LANCL1: variants seen among roughly 807,000 people sequenced by gnomAD.
The protein encoded by LANCL1 is LanC like glutathione S-transferase 1.
LANCL1 carries 50 observed loss-of-function variants against 50.6 expected under a neutral mutation model. That is an observed-to-expected ratio of 0.99 (90% CI 0.79 to 1.25). LANCL1 has a LOEUF of 1.25. Ranked by LOEUF, LANCL1 falls within the 50% of genes most tolerant of loss-of-function variation. LANCL1 has a pLI of 0.00. For synonymous variants in LANCL1, 188 were observed against 178.6 expected (o/e 1.05, Z -0.42); for missense variants, 532 against 480.7 (o/e 1.11, Z -1.00).
chr2:210,445,320 C>A (rs1327247182), intron 4 of LANCL1, among the ~76,000 whole-genome samples: 1 of 152,106 alleles, frequency 6.6e-6, no homozygotes, highest in Non-Finnish European at 1.5e-5. Flanking sequence ...CACTAGGTGG[C>A]AATATATAAT....
intron 6 of LANCL1, among the ~76,000 whole-genome samples, chr2:210,438,645 A>G (rs1693022147): frequency 6.6e-6 from 1 of 152,204 alleles, no homozygotes; most frequent in Non-Finnish European, 1.5e-5. Flanking sequence ...TATTTTCAAT[A>G]GAAAAAGGAT....
Position 210,441,178 on chromosome 2 carries a change from AC to A in LANCL1, c.543+129del, listed in dbSNP as rs1459528539. 5.4e-6 allele frequency: 5 copies of A among 928,396 alleles called. No individual in the cohort carries two copies. The African/African-American group carries it at 6.6e-5, about 12-fold the overall frequency. The allele number at this position is 928,396 out of a possible 1,614,324, so 57.5% of individuals were successfully genotyped here. A position where few individuals can be genotyped will look rare whatever the true frequency, so the allele number is the denominator to read the frequency against. ...GCTATTGGTTCTTGGACTGTGCCCA[AC>A]CTTTAGAGGTCCAGATACACCTTCC... On this transcript the variant is annotated intron_variant, in intron 5 of 9. Coordinates refer to ENST00000450366, the MANE Select transcript of LANCL1 (RefSeq NM_006055.3).
intron 6 of LANCL1, among the ~76,000 whole-genome samples, 185 bp downstream of exon 6, chr2:210,440,413 T>C (rs1693090263): frequency 6.6e-6 from 1 of 152,236 alleles, no homozygotes; most frequent in Admixed American, 6.5e-5. Flanking sequence ...TTAATGTTTA[T>C]ACACTTTTAA....
Position 210,476,703 on chromosome 2 carries a change from C to G in LANCL1, c.-100G>C. ...GCGCCTCCCGCGTCCTGAAGCCCTT[C>G]TCGGCCCTGGCCTCTCACCCCGCAG... On this transcript the variant is annotated 5_prime_UTR_variant, in exon 1 of 10. Coordinates refer to ENST00000450366, the MANE Select transcript of LANCL1 (RefSeq NM_006055.3). 1.7e-6 allele frequency: 2 copies of G among 1,178,164 alleles called. No homozygotes were observed. Among genetic ancestry groups the G allele is most frequent in the African/African-American group, 1.6e-5 (1 of 63,452 alleles). 73.0% of individuals were successfully genotyped at this position (1,178,164 alleles called of 1,614,324 possible). A position where few individuals can be genotyped will look rare whatever the true frequency, so the allele number is the denominator to read the frequency against.
intron 4 of LANCL1, among the ~76,000 whole-genome samples, chr2:210,441,816 G>T (rs372619514): frequency 7.9e-5 from 12 of 152,078 alleles, no homozygotes; most frequent in African/African-American, 2.9e-4. Context: ...ACACTCAAAT[G>T]GCCCATCATC....
intron 8 of LANCL1, among the ~76,000 whole-genome samples, chr2:210,435,702 T>C (rs1692904526): frequency 6.6e-6 from 1 of 152,090 alleles, no homozygotes; most frequent in Non-Finnish European, 1.5e-5. Context: ...TCACCCTACA[T>C]CTTTATTTTT....
intron 3 of LANCL1, chr2:210,468,557 T>A (rs1045035925): frequency 6.6e-6 from 1 of 152,254 alleles, no homozygotes; most frequent in Non-Finnish European, 1.5e-5. Flanking sequence ...CAAGAGTGAC[T>A]ACGTGACTAT....
chr2:210,466,172 T>C (rs1694052593), intron 3 of LANCL1, among the ~76,000 whole-genome samples: 1 of 152,144 alleles, frequency 6.6e-6, no homozygotes, highest in Admixed American at 6.5e-5. Context: ...GTTTTTTCAA[T>C]AGTGCACAAT....
intron 7 of LANCL1, among the ~76,000 whole-genome samples, chr2:210,436,935 A>T (rs909038552): frequency 6.6e-6 from 1 of 152,216 alleles, no homozygotes; most frequent in Non-Finnish European, 1.5e-5. Flanking sequence ...AAAGTAGGAT[A>T]AGGCAGTTTA....
chr2:210,437,852 T>C lies in LANCL1; in HGVS notation c.711A>G (p.Gln237=), dbSNP rs977347629. The change falls in exon 7 of 10, where the codon CAA becomes CAG. Residue 237 remains glutamine (Q), a synonymous_variant. Transcript: ENST00000450366. ...YLMQPSLQVS[Q]GKLHSLVKPS... is the part of the protein sequence containing the mutation. ...GCTTGACCAAACTATGTAACTTCCC[T>C]TGGCTCACTTGAAGGCTGGGCTAAA... 3.1e-6 allele frequency: 5 copies of C among 1,597,306 alleles called. No individual in the cohort carries two copies. Among genetic ancestry groups the C allele is most frequent in the African/African-American group, 1.3e-5 (1 of 74,268 alleles).
intron 9 of LANCL1, among the ~76,000 whole-genome samples, chr2:210,435,118 T>C (rs1354632996): frequency 6.6e-6 from 1 of 152,136 alleles, no homozygotes; most frequent in Non-Finnish European, 1.5e-5. Flanking sequence ...AGTGCCTGTA[T>C]GTTTTTGCTG....
upstream of LANCL1, chr2:210,476,918 G>A: frequency 8.2e-6 from 5 of 608,214 alleles, no homozygotes; most frequent in Non-Finnish European, 1.0e-5. Flanking sequence ...CTAGAATCAC[G>A]CGGAGATGTG....
At chr2:210,449,601 ACCCCTTC>A (rs2105901944) in intron 4 of LANCL1, among the ~76,000 whole-genome samples, 1 of 152,116 alleles carries the variant, frequency 6.6e-6, no homozygotes, top group South Asian at 2.1e-4. Flanking sequence ...TATTTAGAAA[ACCCCTTC>A]ATCTCAGCCC....
chr2:210,455,532 T>A (rs1693647385), intron 3 of LANCL1, among the ~76,000 whole-genome samples: 1 of 152,082 alleles, frequency 6.6e-6, no homozygotes, highest in Non-Finnish European at 1.5e-5. Flanking sequence ...GTTTCCTCAT[T>A]ATGACAACTC....
chr2:210,444,190 TACA>T lies in LANCL1; in HGVS notation c.408-2750_408-2748del, dbSNP rs1218574600. 3.9e-4 allele frequency among the ~76,000 whole-genome samples: 60 copies of T among 152,046 alleles called. 1 individual carries two copies. The highest frequency in any genetic ancestry group is 1.4e-3 in the African/African-American group (57 of 41,384). On this transcript the variant is annotated intron_variant, in intron 4 of 9. Transcript: ENST00000450366. ...CCAGTCTCTGGAGACCACCAATATG[TACA>T]ACAAAAACAAACAAAATCAAACAAA...
At chr2:210,434,641 T>G in intron 9 of LANCL1, 78 bp from the exon 10 acceptor site, 1 of 1,168,602 alleles carries the variant, frequency 8.6e-7, no homozygotes, top group Non-Finnish European at 1.3e-6. Context: ...CCCCCATATC[T>G]TTATTGACAA....
upstream of LANCL1, chr2:210,476,802 C>T (rs973082450): frequency 8.9e-6 from 9 of 1,008,862 alleles, no homozygotes; most frequent in Non-Finnish European, 9.5e-6. Flanking sequence ...CTTCGCCGTT[C>T]CCGAGACCCG....
At chr2:210,458,446 G>A (rs576366812) in intron 3 of LANCL1, among the ~76,000 whole-genome samples, 2 of 152,250 alleles carry the variant, frequency 1.3e-5, no homozygotes, top group East Asian at 3.9e-4. Flanking sequence ...TTTGTTAAAA[G>A]TTCACCATAA....
Position 210,464,982 on chromosome 2 carries a change from A to ACAACAACAACAAC in LANCL1, c.199+6976_199+6977insGTTGTTGTTGTTG, listed in dbSNP as rs1553714487. Among the ~76,000 whole-genome samples the ACAACAACAACAAC allele has an allele frequency of 8.4e-4, 117 of 139,648 alleles. 1 individual carries two copies. The highest frequency in any genetic ancestry group is 3.3e-3 in the Admixed American group (47 of 14,174). 91.6% of individuals were successfully genotyped at this position (139,648 alleles called of 152,430 possible). A position where few individuals can be genotyped will look rare whatever the true frequency, so the allele number is the denominator to read the frequency against. On this transcript the variant is annotated intron_variant, in intron 3 of 9. Coordinates refer to ENST00000450366, the MANE Select transcript of LANCL1 (RefSeq NM_006055.3). ...GGCGAGACTCCGTCTCAAAAAAAAA[A>ACAACAACAACAAC]AAAAAAAAACTTATGCGTACAGACT...
Sources: gnomAD v4.1 joint callset for allele counts (sites outside exome capture counted in the v4.1 genomes callset) on GRCh38, gnomAD v4.1.1 for gene constraint, MANE v1.5 for transcripts, NCBI Gene and HGNC (gene_info 2026-07-23, HGNC 2026-07-21) for gene names.